The following DDX4 variants were observed in gnomAD, a reference collection of about 807,000 sequenced individuals.
The protein encoded by DDX4 is probable ATP-dependent RNA helicase DDX4.
In DDX4, 25 loss-of-function variants were observed where a neutral mutation model predicts 100.0. That is an observed-to-expected ratio of 0.25 (90% CI 0.18 to 0.35). DDX4 has a LOEUF of 0.35. Among genes scored for constraint, DDX4 ranks in the 10% least tolerant of loss-of-function variants. DDX4 has a pLI of 1.00. For missense variants in DDX4, 635 were observed against 882.4 expected, an observed-to-expected ratio of 0.72 and a Z score of 3.55; for synonymous variants, 259 against 275.7, an observed-to-expected ratio of 0.94 and a Z score of 0.60.
At chr5:55,785,975 C>T (rs971745792) in intron 13 of DDX4, 104 bp downstream of exon 13, 3 of 732,498 alleles carry the variant, frequency 4.1e-6, no homozygotes, top group Non-Finnish European at 6.8e-6. Context: ...TTTCACCTTT[C>T]GTATATAAGG....
intron 17 of DDX4, among the ~76,000 whole-genome samples, chr5:55,797,561 A>G (rs1743043170): frequency 6.6e-6 from 1 of 152,230 alleles, no homozygotes; most frequent in African/African-American, 2.4e-5. Context: ...TGATTTATTA[A>G]GAGTCTGGAT....
At position 55,758,857 on chromosome 5, in the gene DDX4, G is replaced by A. The variant is rs151323524; in HGVS notation, c.128-1343G>A. 7.3e-3 allele frequency among the ~76,000 whole-genome samples: 778 copies of A among 106,252 alleles called. 9 individuals are homozygous for A. The highest frequency in any genetic ancestry group is 0.032 in the Middle Eastern group (5 of 158). The allele number at this position is 106,252 out of a possible 152,430, so 69.7% of individuals were successfully genotyped here. A position where few individuals can be genotyped will look rare whatever the true frequency, so the allele number is the denominator to read the frequency against. On this transcript the variant is annotated intron_variant, in intron 3 of 21. Transcript: ENST00000505374. ...TGGCCTTTTTGAGCTGCTGTATTACGTTTGTTTCCTTAAAAAAAAAAAAAA... is the reference window on the plus strand; with the variant it reads ...TGGCCTTTTTGAGCTGCTGTATTACATTTGTTTCCTTAAAAAAAAAAAAAA...
At chr5:55,786,932 TAAAC>T (rs1426199856) in intron 14 of DDX4, among the ~76,000 whole-genome samples, 4 of 152,222 alleles carry the variant, frequency 2.6e-5, no homozygotes, top group African/African-American at 4.8e-5. Flanking sequence ...GGTAGTATCT[TAAAC>T]AAAGTGACTG....
Position 55,792,684 on chromosome 5 carries a change from A to C in DDX4, c.1346A>C (p.Asp449Ala). 6.3e-7 allele frequency: 1 copy of C among 1,597,792 alleles called. No homozygotes were observed. Residue 449 changes from aspartate to alanine, a missense_variant, in exon 17 of 22, where the codon GAT becomes GCT. Physicochemically the swap from Asp to Ala is moderately radical, Grantham distance 126. Transcript: ENST00000505374. ...QIKYLVLDEA[D>A]RMLDMGFGPE... ...AAATACTTAGTTTTGGATGAAGCTGATCGCATGTTGGATATGGGTTTTGGT... is the reference window on the plus strand; with the variant it reads ...AAATACTTAGTTTTGGATGAAGCTGCTCGCATGTTGGATATGGGTTTTGGT...
intron 15 of DDX4, among the ~76,000 whole-genome samples, chr5:55,788,974 T>A (rs993130823): frequency 6.6e-6 from 1 of 152,054 alleles, no homozygotes; most frequent in African/African-American, 2.4e-5. Context: ...GCCTGAGAGA[T>A]TACCTGAGCC....
intron 4 of DDX4, among the ~76,000 whole-genome samples, chr5:55,761,485 G>C (rs952985647): frequency 6.6e-6 from 1 of 151,988 alleles, no homozygotes; most frequent in Non-Finnish European, 1.5e-5. Context: ...TAAAATTTCC[G>C]ATCAGAACTC....
At chr5:55,796,173 T>C (rs1742921428) in intron 17 of DDX4, among the ~76,000 whole-genome samples, 1 of 152,178 alleles carries the variant, frequency 6.6e-6, no homozygotes, top group Non-Finnish European at 1.5e-5. Context: ...GGTAGCCAAC[T>C]GGATGGTGTC....
At chr5:55,779,646 A>G (rs962106413) in intron 7 of DDX4, among the ~76,000 whole-genome samples, 3 of 152,146 alleles carry the variant, frequency 2.0e-5, no homozygotes, top group African/African-American at 7.2e-5. Context: ...TCTTTTGTGC[A>G]TTGTGGAAAT....
At chr5:55,742,633 T>C (rs1296325540) in intron 2 of DDX4, among the ~76,000 whole-genome samples, 1 of 152,214 alleles carries the variant, frequency 6.6e-6, no homozygotes, top group African/African-American at 2.4e-5. Context: ...ATTTCTGAAT[T>C]GGTGCATTTG....
intron 3 of DDX4, 137 bp from the exon 4 acceptor site, chr5:55,760,063 T>C (rs1760217859): frequency 8.0e-6 from 6 of 747,196 alleles, no homozygotes; most frequent in Non-Finnish European, 1.2e-5. Flanking sequence ...TTTTTTTTTT[T>C]TTACTGGGCT....
chr5:55,793,390 G>T (rs916234621), intron 17 of DDX4, among the ~76,000 whole-genome samples: 11 of 152,110 alleles, frequency 7.2e-5, no homozygotes, highest in Admixed American at 7.2e-4. Flanking sequence ...TTCAACATAA[G>T]ATTTTATGAT....
At chr5:55,809,642 G>T (rs934349780) in intron 18 of DDX4, among the ~76,000 whole-genome samples, 1 of 152,170 alleles carries the variant, frequency 6.6e-6, no homozygotes, top group African/African-American at 2.4e-5. Flanking sequence ...TTGTCATAAA[G>T]TGTCAGTTTG....
At chr5:55,791,110 T>C (rs541263926) in intron 16 of DDX4, among the ~76,000 whole-genome samples, 1 of 152,330 alleles carries the variant, frequency 6.6e-6, no homozygotes, top group East Asian at 1.9e-4. Context: ...AAACCCTTTG[T>C]GGCATCAATA....
At chr5:55,744,943 C>T (rs578189809) in intron 2 of DDX4, among the ~76,000 whole-genome samples, 3 of 151,928 alleles carry the variant, frequency 2.0e-5, no homozygotes, top group African/African-American at 7.2e-5. Context: ...TGCAGTGGCA[C>T]GATCTCGGCT....
chr5:55,777,402 C>T (rs1741631204), intron 7 of DDX4: 1 of 152,050 alleles, frequency 6.6e-6, no homozygotes, highest in South Asian at 2.1e-4. Flanking sequence ...GCCAGGAATT[C>T]AAGGCCAGCC....
At chr5:55,811,201 C>A (rs188210572) in intron 18 of DDX4, among the ~76,000 whole-genome samples, 16 of 152,104 alleles carry the variant, frequency 1.1e-4, no homozygotes, top group African/African-American at 3.9e-4. Context: ...ACTGAGTGAC[C>A]TTTGCTAGAA....
intron 18 of DDX4, among the ~76,000 whole-genome samples, chr5:55,799,953 T>TA (rs112687311): frequency 0.069 from 10,458 of 152,202 alleles, 558 homozygotes; most frequent in African/African-American, 0.15. Context: ...AAAAAGCACT[T>TA]ACAGGCTTCT....
chr5:55,746,092 A>T, intron 2 of DDX4, 72 bp from the exon 3 acceptor site: 1 of 1,161,318 alleles, frequency 8.6e-7, no homozygotes, highest in Non-Finnish European at 1.2e-6. Context: ...ATAATTTTCT[A>T]GTATTTGTGA....
At chr5:55,759,752 G>A (rs770610344) in intron 3 of DDX4, among the ~76,000 whole-genome samples, 2 of 152,150 alleles carry the variant, frequency 1.3e-5, no homozygotes, top group African/African-American at 2.4e-5. Flanking sequence ...TCATGTTACT[G>A]TACTTTCAGA....
Sources: allele counts gnomAD v4.1 joint callset (sites outside exome capture counted in the v4.1 genomes callset), GRCh38; gene constraint gnomAD v4.1.1; transcripts MANE v1.5; gene names NCBI Gene and HGNC (gene_info 2026-07-23, HGNC 2026-07-21).